The following YES1 variants were observed in gnomAD, a reference collection of about 807,000 sequenced individuals.
YES1 encodes the protein tyrosine-protein kinase Yes.
Under a neutral mutation model 70.4 loss-of-function variants are expected in YES1, and 39 were observed. The ratio of observed to expected loss-of-function variants is 0.55; its 90% CI spans 0.43 to 0.72. The LOEUF (loss-of-function observed/expected upper bound fraction) is 0.72, where lower values mean the gene tolerates loss of function less well. Among genes scored for constraint, YES1 ranks in the 30% least tolerant of loss-of-function variants. The pLI is 0.00. For synonymous variants in YES1, 198 were observed against 218.6 expected (o/e 0.91, Z 0.83); for missense variants, 495 against 644.8 (o/e 0.77, Z 2.52).
rs1373064734 is a variant in YES1, at chr18:745,851, T to A, written c.581A>T (p.Tyr194Phe). The A allele has an allele frequency of 1.9e-6, 3 of 1,611,218 alleles. No individual in the cohort carries two copies. The highest frequency in any genetic ancestry group is 2.5e-6 in the Non-Finnish European group (3 of 1,179,382). The change falls in exon 6 of 12, where the codon TAT becomes TTT. Residue 194 changes from tyrosine to phenylalanine, a missense_variant. Around this residue, in one of 2 missense-constraint regions of YES1, gnomAD observed 385 missense variants for 540.9 expected, o/e 0.71. Coordinates refer to ENST00000314574, the MANE Select transcript of YES1 (RefSeq NM_005433.4). ...ATCCCAATCACGAATAGAAAGGGAA[T>A]AAGCACCTGGGTGAAAAATAAATAC... ...VRESETTKGA[Y>F]SLSIRDWDEI...
intron 1 of YES1, among the ~76,000 whole-genome samples, chr18:758,265 AC>A (rs1452017416): frequency 1.3e-5 from 2 of 152,212 alleles, no homozygotes; most frequent in East Asian, 3.8e-4. Context: ...TACTTGAAGT[AC>A]ATCTCAACTG....
chr18:764,742 C>CT (rs1247339861), intron 1 of YES1, among the ~76,000 whole-genome samples: 220 of 151,652 alleles, frequency 1.5e-3, no homozygotes, highest in African/African-American at 4.7e-3. Flanking sequence ...TTTTTTCTCT[C>CT]TTTTTTTTGA....
intron 1 of YES1, among the ~76,000 whole-genome samples, chr18:765,903 G>T (rs1011246550): frequency 1.3e-5 from 2 of 152,184 alleles, no homozygotes; most frequent in African/African-American, 2.4e-5. Context: ...CGAGATTGCA[G>T]TAAGTTGAAG....
chr18:808,092 T>C (rs965556855), intron 1 of YES1, among the ~76,000 whole-genome samples: 4 of 152,218 alleles, frequency 2.6e-5, no homozygotes, highest in Non-Finnish European at 5.9e-5. Context: ...TACAGGATTC[T>C]CTGTCTTTCC....
At chr18:803,941 T>C (rs762488667) in intron 1 of YES1, among the ~76,000 whole-genome samples, 5 of 152,372 alleles carry the variant, frequency 3.3e-5, no homozygotes, top group African/African-American at 4.8e-5. Context: ...AAAAGGCTTA[T>C]GTTACAGAAA....
chr18:791,793 G>A (rs561349343), intron 1 of YES1, among the ~76,000 whole-genome samples: 5 of 152,134 alleles, frequency 3.3e-5, no homozygotes, highest in Admixed American at 6.5e-5. Context: ...GGTGGCTCAC[G>A]TCTGTAATCC....
chr18:785,414 T>C (rs1905883751), intron 1 of YES1, among the ~76,000 whole-genome samples: 1 of 152,102 alleles, frequency 6.6e-6, no homozygotes, highest in Admixed American at 6.5e-5. Flanking sequence ...TACTGAGTGT[T>C]AGGGGGGAGA....
At chr18:775,694 G>A (rs554818761) in intron 1 of YES1, among the ~76,000 whole-genome samples, 7 of 152,246 alleles carry the variant, frequency 4.6e-5, no homozygotes, top group African/African-American at 1.7e-4. Flanking sequence ...ACACTTGGGA[G>A]GCTGAGGTTG....
At chr18:749,720 C>T (rs1273591726) in intron 3 of YES1, among the ~76,000 whole-genome samples, 1 of 150,936 alleles carries the variant, frequency 6.6e-6, no homozygotes, top group African/African-American at 2.4e-5. Context: ...ATTAGCCAGA[C>T]GTGGTGGCGG....
chr18:809,385 T>C (rs1023285047), intron 1 of YES1, among the ~76,000 whole-genome samples: 5 of 152,130 alleles, frequency 3.3e-5, no homozygotes, highest in African/African-American at 1.2e-4. Context: ...CCGCAATCTC[T>C]GTCTCCCGGG....
Position 748,033 on chromosome 18 carries a change from A to G in YES1, c.372-15T>C, listed in dbSNP as rs781772142. On this transcript the variant is annotated splice_polypyrimidine_tract_variant and intron_variant, in intron 3 of 11. Transcript: ENST00000314574. ...AATCTCCTTCCCTGCAACACATAAA[A>G]CAGCAATCACCGCAAGGTAGACTAT... 3.3e-5 allele frequency: 53 copies of G among 1,610,770 alleles called. No individual in the cohort carries two copies. In the South Asian group the frequency reaches 5.4e-4, roughly 16 times the overall value.
In YES1 at chr18:745,870, T is replaced by G. The variant is rs763762997; in HGVS notation, c.575-13A>C. On this transcript the variant is annotated splice_polypyrimidine_tract_variant and intron_variant, in intron 5 of 11. Coordinates refer to ENST00000314574, the MANE Select transcript of YES1 (RefSeq NM_005433.4). ...AGGGAATAAGCACCTGGGTGAAAAATAAATACTTTCACTATATCTTTCTCA... is the reference window on the plus strand; with the variant it reads ...AGGGAATAAGCACCTGGGTGAAAAAGAAATACTTTCACTATATCTTTCTCA... 9 of 1,609,172 alleles carry G rather than the reference T, an allele frequency of 5.6e-6. No individual in the cohort carries two copies. The highest frequency in any genetic ancestry group is 7.6e-6 in the Non-Finnish European group (9 of 1,178,764).
chr18:761,293 G>C (rs1202272398), intron 1 of YES1, among the ~76,000 whole-genome samples: 3 of 149,656 alleles, frequency 2.0e-5, no homozygotes, highest in Non-Finnish European at 4.4e-5. Flanking sequence ...GTCGGTACAA[G>C]GAATTTACAA....
intron 10 of YES1, among the ~76,000 whole-genome samples, chr18:733,522 G>C (rs531286483): frequency 6.6e-6 from 1 of 152,274 alleles, no homozygotes; most frequent in Non-Finnish European, 1.5e-5. Context: ...GGTGGCTCAA[G>C]CCTGTAATCC....
chr18:751,649 G>C (rs997911454), intron 3 of YES1, 56 bp downstream of exon 3: 4 of 1,188,730 alleles, frequency 3.4e-6, no homozygotes, highest in Admixed American at 1.8e-5. Context: ...AGTGGTTCCT[G>C]TGTAAAGACC....
intron 4 of YES1, 132 bp from the exon 5 acceptor site, chr18:746,183 G>A: frequency 1.6e-6 from 1 of 635,398 alleles, no homozygotes; most frequent in Non-Finnish European, 2.8e-6. Flanking sequence ...CAAAATACAG[G>A]AAAATGTAAG....
intron 1 of YES1, among the ~76,000 whole-genome samples, chr18:794,880 A>C (rs572556056): frequency 2.3e-4 from 35 of 152,272 alleles, no homozygotes; most frequent in African/African-American, 7.2e-4. Flanking sequence ...GCAGTGGTGC[A>C]ATCTCGGCTC....
chr18:787,162 C>A (rs955502647), intron 1 of YES1, among the ~76,000 whole-genome samples: 10 of 118,736 alleles, frequency 8.4e-5, no homozygotes, highest in African/African-American at 3.2e-4. Flanking sequence ...TGCAGTGGCA[C>A]AATCTCAGCT....
chr18:748,070 C>T, intron 3 of YES1, 52 bp from the exon 4 acceptor site: 1 of 1,467,234 alleles, frequency 6.8e-7, no homozygotes. Context: ...GCCCAAGGTA[C>T]AATATATTGC....
Sources: gnomAD v4.1 joint callset for allele counts (sites outside exome capture counted in the v4.1 genomes callset) on GRCh38, gnomAD v4.1.1 for gene constraint, gnomAD v4.1.1 regional missense constraint, MANE v1.5 for transcripts, NCBI Gene and HGNC (gene_info 2026-07-23, HGNC 2026-07-21) for gene names.